Variants in FRMD6 observed in about 807,000 individuals in gnomAD.
FRMD6 encodes FERM domain containing 6, also known as FERM domain-containing protein 6.
In FRMD6, 37 loss-of-function variants were observed where a neutral mutation model predicts 73.2. The ratio of observed to expected loss-of-function variants is 0.51; its 90% CI spans 0.39 to 0.66. FRMD6 has a LOEUF of 0.66. FRMD6 is among the 30% of genes least tolerant of loss of function. The probability of loss-of-function intolerance (pLI) is 0.00; values close to 1 mark genes in which losing one functional copy is unlikely to be tolerated. For synonymous variants in FRMD6, 273 were observed against 282.2 expected, an observed-to-expected ratio of 0.97 and a Z score of 0.33; for missense variants, 714 against 780.5, an observed-to-expected ratio of 0.91 and a Z score of 1.02.
At chr14:51,399,716 A>G in the FRMD6 span, among the ~76,000 whole-genome samples, 1 of 152,168 alleles carries the variant, frequency 6.6e-6, no homozygotes, top group African/African-American at 2.4e-5. Context: ...TATCTAAGAG[A>G]GCTGTTTTCT....
At chr14:51,572,463 T>C (rs1334768765) in intron 2 of FRMD6, among the ~76,000 whole-genome samples, 1 of 152,230 alleles carries the variant, frequency 6.6e-6, no homozygotes, top group East Asian at 1.9e-4. Flanking sequence ...TCATAGCATA[T>C]GCTGGAAAGG....
chr14:51,591,367 G>A (rs1889382541), intron 2 of FRMD6, among the ~76,000 whole-genome samples: 1 of 152,142 alleles, frequency 6.6e-6, no homozygotes, highest in South Asian at 2.1e-4. Flanking sequence ...ACAAAGTGGT[G>A]GAAGCTGATC....
chr14:51,725,652 C>T (rs1897908261), intron 12 of FRMD6, 127 bp from the exon 13 acceptor site: 6 of 657,438 alleles, frequency 9.1e-6, no homozygotes, highest in Non-Finnish European at 1.6e-5. Flanking sequence ...CAAAGAGTCA[C>T]AGTGAAACTT....
intron 2 of FRMD6, among the ~76,000 whole-genome samples, chr14:51,629,228 G>T (rs1037985262): frequency 7.2e-5 from 11 of 152,120 alleles, no homozygotes; most frequent in African/African-American, 2.7e-4. Flanking sequence ...CATCCACGTT[G>T]TTGCACATAT....
chr14:51,715,262 A>T, intron 9 of FRMD6, 63 bp from the exon 10 acceptor site: 1 of 1,290,782 alleles, frequency 7.7e-7, no homozygotes, highest in Non-Finnish European at 1.0e-6. Context: ...ATAGGAAACA[A>T]AGGGGACTTT....
upstream of FRMD6, among the ~76,000 whole-genome samples, chr14:51,486,531 G>T (rs1255056027): frequency 6.6e-6 from 1 of 152,192 alleles, no homozygotes; most frequent in Admixed American, 6.5e-5. Context: ...CTGTATACCT[G>T]TTATCATAAC....
Position 51,505,144 on chromosome 14 carries a change from C to T in FRMD6, c.-210+15724C>T, listed in dbSNP as rs960044863. Among the ~76,000 whole-genome samples, 47 of 152,164 alleles carry T rather than the reference C, an allele frequency of 3.1e-4. 2 individuals are homozygous for T. The highest frequency in any genetic ancestry group is 3.1e-3 in the Admixed American group (47 of 15,278). On this transcript the variant is annotated intron_variant, in intron 1 of 14. Coordinates refer to the FRMD6 transcript ENST00000356218. Reference sequence around the variant, plus strand: ...GCATTGTTGTTAGGACTTGAGAGAACTAAGAAAGGCTTTCTGTCCCCCGAA... The same window carrying T: ...GCATTGTTGTTAGGACTTGAGAGAATTAAGAAAGGCTTTCTGTCCCCCGAA...
At chr14:51,482,674 C>CTG in the FRMD6 span, among the ~76,000 whole-genome samples, 703 of 148,850 alleles carry the variant, frequency 4.7e-3, 7 homozygotes, top group African/African-American at 0.017. Flanking sequence ...TTTGCAGGAA[C>CTG]TGTGTGTGTG....
chr14:51,599,837 C>T (rs1455371676), intron 2 of FRMD6: 1 of 149,654 alleles, frequency 6.7e-6, no homozygotes, highest in Non-Finnish European at 1.5e-5. Context: ...CTTTGAGAAC[C>T]TCTCACTTCT....
At chr14:51,522,657 A>G (rs1225187298) in intron 1 of FRMD6, among the ~76,000 whole-genome samples, 2 of 152,214 alleles carry the variant, frequency 1.3e-5, no homozygotes, top group Non-Finnish European at 2.9e-5. Context: ...ACAAATTTGC[A>G]CAAGTGTCCC....
chr14:51,691,397 A>G (rs962513768), intron 2 of FRMD6, among the ~76,000 whole-genome samples: 3 of 152,028 alleles, frequency 2.0e-5, no homozygotes, highest in Non-Finnish European at 4.4e-5. Context: ...CTTGGTAGAG[A>G]CTGCCAAACA....
chr14:51,685,308 T>A (rs1365508257), intron 1 of FRMD6, among the ~76,000 whole-genome samples: 2 of 152,212 alleles, frequency 1.3e-5, no homozygotes, highest in Non-Finnish European at 2.9e-5. Context: ...GATGCTTCCC[T>A]TGATTACCCT....
Position 51,711,607 on chromosome 14 carries a change from G to T in FRMD6, c.780+11G>T. On this transcript the variant is annotated intron_variant, in intron 8 of 13. Coordinates refer to ENST00000344768, the MANE Select transcript of FRMD6 (RefSeq NM_001267046.2). The stretch of plus-strand genomic sequence containing the variant: ...ATACAGATTTTTCAGGTTGGTAAAT[G>T]AGAATTGTGTCAAATGCTGTCAGCC... 1 of 1,586,608 alleles carries T rather than the reference G, an allele frequency of 6.3e-7. No homozygotes were observed. Among genetic ancestry groups the T allele is most frequent in the South Asian group, 1.1e-5 (1 of 90,222 alleles).
At chr14:51,679,765 A>G (rs748532556) in intron 1 of FRMD6, among the ~76,000 whole-genome samples, 2 of 152,134 alleles carry the variant, frequency 1.3e-5, no homozygotes, top group African/African-American at 2.4e-5. Context: ...ATAGTTGATT[A>G]ACAGAATTAT....
the FRMD6 span, among the ~76,000 whole-genome samples, chr14:51,464,294 A>G: frequency 2.0e-5 from 3 of 152,156 alleles, no homozygotes; most frequent in African/African-American, 7.2e-5. Flanking sequence ...CTTAATATCT[A>G]GGTGATGGGA....
At chr14:51,576,761 TC>T (rs1306153263) in intron 2 of FRMD6, among the ~76,000 whole-genome samples, 2 of 152,184 alleles carry the variant, frequency 1.3e-5, no homozygotes, top group Non-Finnish European at 2.9e-5. Flanking sequence ...GACAGGAACC[TC>T]CCAATATCAA....
chr14:51,586,889 A>T (rs1889081124), intron 2 of FRMD6, among the ~76,000 whole-genome samples: 1 of 152,162 alleles, frequency 6.6e-6, no homozygotes, highest in South Asian at 2.1e-4. Flanking sequence ...GACCACAGGC[A>T]TGCACCACCA....
chr14:51,730,155 G>A lies in FRMD6; in HGVS notation c.*2126G>A, dbSNP rs1431535232. The A allele has an allele frequency of 6.6e-6, 1 of 152,132 alleles. No individual in the cohort carries two copies. Among genetic ancestry groups the A allele is most frequent in the Admixed American group, 6.5e-5 (1 of 15,274 alleles). 9.4% of individuals were successfully genotyped at this position (152,132 alleles called of 1,614,324 possible). A position where few individuals can be genotyped will look rare whatever the true frequency, so the allele number is the denominator to read the frequency against. The stretch of plus-strand genomic sequence containing the variant: ...GACATATTTAAGAAAGAAAGATAAA[G>A]AAAAAACATATTTAATTACTGTAAA... On this transcript the variant is annotated 3_prime_UTR_variant, in exon 14 of 14. Transcript: ENST00000344768.
intron 2 of FRMD6, among the ~76,000 whole-genome samples, chr14:51,628,029 TAAAC>T (rs1292957170): frequency 1.3e-5 from 2 of 152,240 alleles, no homozygotes; most frequent in Non-Finnish European, 2.9e-5. Context: ...AAGTAGTTCT[TAAAC>T]TACATTGTTT....
Sources: gnomAD v4.1 joint callset for allele counts (sites outside exome capture counted in the v4.1 genomes callset) on GRCh38, gnomAD v4.1.1 for gene constraint, MANE v1.5 for transcripts, NCBI Gene and HGNC (gene_info 2026-07-23, HGNC 2026-07-21) for gene names.